GOLGB1: variants seen among roughly 807,000 people sequenced by gnomAD.
The protein encoded by GOLGB1 is golgin subfamily B member 1.
In GOLGB1, 174 loss-of-function variants were observed where a neutral mutation model predicts 336.9. The observed-to-expected ratio is 0.52, with a 90% confidence interval of 0.46 to 0.59. The LOEUF is 0.59. Among genes scored for constraint, GOLGB1 ranks in the 20% least tolerant of loss-of-function variants. GOLGB1 has a pLI of 0.00. For missense variants in GOLGB1, 3,331 were observed against 3,645.3 expected, an observed-to-expected ratio of 0.91 and a Z score of 2.22; for synonymous variants, 1,208 against 1,289.2, an observed-to-expected ratio of 0.94 and a Z score of 1.35.
In GOLGB1 at chr3:121,731,158, C is replaced by T. The variant is rs77850248; in HGVS notation, c.-2-185G>A. Among the ~76,000 whole-genome samples, 151 of 152,284 alleles carry T rather than the reference C, an allele frequency of 9.9e-4. 2 individuals are homozygous for T. In the East Asian group the frequency reaches 0.016, roughly 17 times the overall value. ...TTTGAGTACTTCCAGTGTAGTCACACGCTGTTCTTTTCAGTGGCAATTGTA... is the reference window on the plus strand; with the variant it reads ...TTTGAGTACTTCCAGTGTAGTCACATGCTGTTCTTTTCAGTGGCAATTGTA... On this transcript the variant is annotated intron_variant, in intron 1 of 21. Coordinates refer to ENST00000614479, the MANE Select transcript of GOLGB1 (RefSeq NM_001366282.2).
chr3:121,733,062 GC>G (rs1448648171), intron 1 of GOLGB1, among the ~76,000 whole-genome samples: 2 of 151,962 alleles, frequency 1.3e-5, no homozygotes, highest in Non-Finnish European at 2.9e-5. Context: ...GGTAGCTCAC[GC>G]CTGTAATCCC....
chr3:121,725,952 A>G (rs1398457594), intron 5 of GOLGB1, among the ~76,000 whole-genome samples: 2 of 151,800 alleles, frequency 1.3e-5, no homozygotes, highest in African/African-American at 4.8e-5. Flanking sequence ...TCAACTTTAG[A>G]CTTCTCAGCC....
At chr3:121,693,091 G>A (rs934427650) in intron 13 of GOLGB1, among the ~76,000 whole-genome samples, 3 of 152,200 alleles carry the variant, frequency 2.0e-5, no homozygotes, top group African/African-American at 7.2e-5. Context: ...TATGCAGTAT[G>A]AATTAATGTG....
intron 5 of GOLGB1, among the ~76,000 whole-genome samples, chr3:121,723,955 C>T (rs1333803077): frequency 6.6e-6 from 1 of 152,136 alleles, no homozygotes; most frequent in Non-Finnish European, 1.5e-5. Context: ...AGCAAGAGGA[C>T]CCTCACCAGA....
intron 1 of GOLGB1, among the ~76,000 whole-genome samples, chr3:121,734,021 T>TA (rs1198667733): frequency 2.0e-5 from 3 of 152,144 alleles, no homozygotes; most frequent in Non-Finnish European, 4.4e-5. Context: ...CAATATATTA[T>TA]AAAAAATATT....
rs188983633 is a variant in GOLGB1, at chr3:121,736,466, A to G, written c.-2-5493T>C. On this transcript the variant is annotated intron_variant, in intron 1 of 21. Coordinates refer to ENST00000614479, the MANE Select transcript of GOLGB1 (RefSeq NM_001366282.2). ...CAAAACCCGTAAGCCCAGTCTAATC[A>G]TGAGAAAACACTGGGAAAACCTAGA... is the stretch of plus-strand genomic sequence containing the variant. Among the ~76,000 whole-genome samples, 5 of 152,348 alleles carry G rather than the reference A, an allele frequency of 3.3e-5. No individual in the cohort carries two copies. In the East Asian group the frequency reaches 9.6e-4, roughly 29 times the overall value.
intron 14 of GOLGB1, among the ~76,000 whole-genome samples, chr3:121,687,118 CA>C (rs1398287725): frequency 6.6e-6 from 1 of 152,062 alleles, no homozygotes; most frequent in African/African-American, 2.4e-5. Flanking sequence ...ACTAAAAATA[CA>C]AAAATTAGCT....
intron 14 of GOLGB1, among the ~76,000 whole-genome samples, chr3:121,685,519 G>A (rs1941621210): frequency 6.6e-6 from 1 of 151,244 alleles, no homozygotes; most frequent in Admixed American, 6.6e-5. Flanking sequence ...TGGCAACAGA[G>A]CGAGACTCTG....
chr3:121,717,969 G>A (rs1944906308), intron 8 of GOLGB1, among the ~76,000 whole-genome samples: 1 of 152,104 alleles, frequency 6.6e-6, no homozygotes, highest in African/African-American at 2.4e-5. Flanking sequence ...ATGATTTTGT[G>A]CATATTTGCC....
At chr3:121,665,478 C>T (rs559731582) in intron 20 of GOLGB1, among the ~76,000 whole-genome samples, 102 of 152,340 alleles carry the variant, frequency 6.7e-4, no homozygotes, top group African/African-American at 2.2e-3. Flanking sequence ...AAACTCATTA[C>T]ATTTTTTTCT....
Position 121,690,870 on chromosome 3 carries a change from A to G in GOLGB1, c.8494T>C (p.Ser2832Pro). ...GAAAAGGACTGCACTTGGTTATAAG[A>G]ATCTTCTAGTTGTGAGGACAAGTGA... ...LLHLSSQLED[S>P]YNQVQSFSKA... is the part of the protein sequence containing the mutation. Residue 2832 changes from serine to proline, a missense_variant, in exon 14 of 22, where the codon TCT becomes CCT. Ser to Pro is a moderately conservative substitution (Grantham distance 74, BLOSUM62 -1). Coordinates refer to ENST00000614479, the MANE Select transcript of GOLGB1 (RefSeq NM_001366282.2). 6.2e-7 allele frequency: 1 copy of G among 1,614,112 alleles called. No homozygotes were observed. Among genetic ancestry groups the G allele is most frequent in the Non-Finnish European group, 8.5e-7 (1 of 1,179,972 alleles).
rs773366766 is a variant in GOLGB1, at chr3:121,664,930, C to T, written c.9656G>A (p.Arg3219Gln). 36 of 1,571,830 alleles carry T rather than the reference C, an allele frequency of 2.3e-5. No homozygotes were observed. Among genetic ancestry groups the T allele is most frequent in the Middle Eastern group, 1.7e-4 (1 of 6,002 alleles). The change falls in exon 21 of 22, where the codon CGA becomes CAA. Residue 3219 changes from arginine (R) to glutamine (Q), a missense_variant. Physicochemically the swap from Arg to Gln is conservative, Grantham distance 43 (BLOSUM62 1). Coordinates refer to ENST00000614479, the MANE Select transcript of GOLGB1 (RefSeq NM_001366282.2). ...LLIDLTSNSC[R>Q]RTRSGVGWKR... is the part of the protein sequence containing the mutation. ...CTTTATCCTTCTTCCTCTTACCCTT[C>T]GACAACTGTTGCTTGTAAGATCTAT... is the stretch of plus-strand genomic sequence containing the variant.
intron 14 of GOLGB1, among the ~76,000 whole-genome samples, chr3:121,688,959 C>T (rs1160400859): frequency 6.6e-6 from 1 of 151,830 alleles, no homozygotes. Context: ...GCAACCACCC[C>T]GTCTGGGAAG....
rs1337529584 is a variant in GOLGB1, at chr3:121,691,910, T to C, written c.7454A>G (p.Tyr2485Cys). The part of the protein sequence containing the change: ...QNDRDRIVGD[Y>C]QQLEERHLSI... Reference sequence around the variant, plus strand: ...GAGATGTCGCTCTTCCAGCTGTTGATAGTCACCCACTATGCGGTCTCGATC... The same window carrying C: ...GAGATGTCGCTCTTCCAGCTGTTGACAGTCACCCACTATGCGGTCTCGATC... Residue 2485 changes from tyrosine to cysteine, a missense_variant, in exon 14 of 22, where the codon TAT becomes TGT. Coordinates refer to ENST00000614479, the MANE Select transcript of GOLGB1 (RefSeq NM_001366282.2). 6 of 1,614,060 alleles carry C rather than the reference T, an allele frequency of 3.7e-6. No homozygotes were observed. In the African/African-American group the frequency reaches 4.0e-5, roughly 11 times the overall value.
chr3:121,725,236 C>T (rs554106749), intron 5 of GOLGB1, among the ~76,000 whole-genome samples: 1 of 152,314 alleles, frequency 6.6e-6, no homozygotes, highest in South Asian at 2.1e-4. Context: ...TACCAGTGTG[C>T]AATGCAAAGT....
At chr3:121,666,705 T>C (rs1470719895) in intron 20 of GOLGB1, among the ~76,000 whole-genome samples, 1 of 152,198 alleles carries the variant, frequency 6.6e-6, no homozygotes. Context: ...CTGAGGAAAG[T>C]GATCATATAC....
At chr3:121,675,052 G>A (rs927929368) in intron 17 of GOLGB1, among the ~76,000 whole-genome samples, 7 of 151,484 alleles carry the variant, frequency 4.6e-5, no homozygotes, top group Non-Finnish European at 1.5e-5. Context: ...TAGCCAGGAT[G>A]GTCTCGATCT....
chr3:121,720,700 C>A (rs1436311640), intron 6 of GOLGB1, among the ~76,000 whole-genome samples: 1 of 152,162 alleles, frequency 6.6e-6, no homozygotes, highest in Non-Finnish European at 1.5e-5. Flanking sequence ...TGTGTAGGCA[C>A]TGGAGTCTTT....
rs769921766 is a variant in GOLGB1 at position 121,698,394 on chromosome 3, T to A, written c.2129A>T (p.Glu710Val). The A allele has an allele frequency of 4.3e-6, 7 of 1,613,890 alleles. No homozygotes were observed. Among genetic ancestry groups the A allele is most frequent in the African/African-American group, 1.3e-5 (1 of 75,046 alleles). ...ELELNFHKAQEIYEKNLDEKA... is the reference protein window; with the variant it reads ...ELELNFHKAQVIYEKNLDEKA... Reference sequence around the variant, plus strand: ...CTCATCTAAATTTTTCTCATAGATTTCTTGTGCTTTATGAAAGTTTAGCTC... The same window carrying A: ...CTCATCTAAATTTTTCTCATAGATTACTTGTGCTTTATGAAAGTTTAGCTC... The change falls in exon 13 of 22, where the codon GAA becomes GTA. Residue 710 changes from glutamate (E) to valine (V), a missense_variant. Coordinates refer to ENST00000614479, the MANE Select transcript of GOLGB1 (RefSeq NM_001366282.2).
Sources: allele counts gnomAD v4.1 joint callset (sites outside exome capture counted in the v4.1 genomes callset), GRCh38; gene constraint gnomAD v4.1.1; transcripts MANE v1.5; gene names NCBI Gene and HGNC (gene_info 2026-07-23, HGNC 2026-07-21).